The following CRIM1 variants were observed in gnomAD, a reference collection of about 807,000 sequenced individuals.
CRIM1 encodes cysteine-rich motor neuron 1 protein.
In CRIM1, 32 loss-of-function variants were observed where a neutral mutation model predicts 116.4. The ratio of observed to expected loss-of-function variants is 0.27; its 90% CI spans 0.21 to 0.37. The LOEUF is 0.37. CRIM1 is among the 10% of genes least tolerant of loss of function. The pLI, the probability that CRIM1 is intolerant of heterozygous loss-of-function variation, is 1.00. For missense variants in CRIM1, 1,331 were observed against 1,354.8 expected (o/e 0.98, Z 0.28); for synonymous variants, 590 against 509.2 (o/e 1.16, Z -2.13).
intron 5 of CRIM1, among the ~76,000 whole-genome samples, chr2:36,467,422 A>G (rs191368871): frequency 1.2e-4 from 18 of 152,336 alleles, no homozygotes; most frequent in East Asian, 7.7e-4. Flanking sequence ...GTGTCTGTGT[A>G]TGTATATATA....
At chr2:36,531,040 T>G (rs1289510015) in intron 13 of CRIM1, among the ~76,000 whole-genome samples, 1 of 152,210 alleles carries the variant, frequency 6.6e-6, no homozygotes, top group Non-Finnish European at 1.5e-5. Flanking sequence ...GTTATAGTAC[T>G]GTGTTGGCTT....
chr2:36,445,841 G>A (rs966041140), intron 4 of CRIM1, among the ~76,000 whole-genome samples: 1 of 151,992 alleles, frequency 6.6e-6, no homozygotes, highest in African/African-American at 2.4e-5. Flanking sequence ...GAAAAACTAC[G>A]TAACTTTATT....
At chr2:36,443,995 A>T (rs557914692) in intron 4 of CRIM1, among the ~76,000 whole-genome samples, 1 of 152,332 alleles carries the variant, frequency 6.6e-6, no homozygotes, top group Non-Finnish European at 1.5e-5. Flanking sequence ...AAGGGGTGAA[A>T]TATCTTGCAA....
intron 4 of CRIM1, among the ~76,000 whole-genome samples, chr2:36,454,588 C>G (rs1312621136): frequency 6.6e-6 from 1 of 152,218 alleles, no homozygotes; most frequent in Admixed American, 6.5e-5. Flanking sequence ...GGTTGAATCA[C>G]AGTTTGCAGT....
At chr2:36,430,762 A>T (rs3770891) in intron 2 of CRIM1, among the ~76,000 whole-genome samples, 24,033 of 152,116 alleles carry the variant, frequency 0.16, 2,101 homozygotes, top group East Asian at 0.47. Flanking sequence ...GGGTCTGCAG[A>T]AGCACTTTCT....
chr2:36,538,692 G>T (rs2125171314), intron 14 of CRIM1, among the ~76,000 whole-genome samples: 1 of 152,290 alleles, frequency 6.6e-6, no homozygotes, highest in East Asian at 1.9e-4. Flanking sequence ...AGGATGTTCT[G>T]CAAGGTAAGG....
At position 36,476,917 on chromosome 2, in the gene CRIM1, T is replaced by A. The variant is rs1247379397; in HGVS notation, c.1020T>A (p.Asn340Lys). The change falls in exon 6 of 17, where the codon AAT becomes AAA. Residue 340 changes from asparagine (N) to lysine (K), a missense_variant. This residue lies in a region of CRIM1 where 690 missense variants were observed against 676.0 expected (regional missense o/e 1.02). Transcript: ENST00000280527. ...NDTKPACVFN[N>K]VEYYDGDMFR... ...CAAAGCCAGCCTGCGTATTTAACAATGTGGAATATTATGATGGAGACATGT... is the reference window on the plus strand; with the variant it reads ...CAAAGCCAGCCTGCGTATTTAACAAAGTGGAATATTATGATGGAGACATGT... 3 of 1,613,792 alleles carry A rather than the reference T, an allele frequency of 1.9e-6. No homozygotes were observed. Among genetic ancestry groups the A allele is most frequent in the Non-Finnish European group, 2.5e-6 (3 of 1,179,846 alleles).
At chr2:36,386,844 AACC>A (rs1671203503) in intron 1 of CRIM1, among the ~76,000 whole-genome samples, 2 of 152,234 alleles carry the variant, frequency 1.3e-5, no homozygotes, top group South Asian at 4.1e-4. Context: ...AGGAAGTATT[AACC>A]ACTGAGGAGA....
rs115855451 is a variant in CRIM1 at position 36,362,032 on chromosome 2, C to T, written c.331+5409C>T. Among the ~76,000 whole-genome samples, 1,480 of 152,186 alleles carry T rather than the reference C, an allele frequency of 9.7e-3. 17 individuals are homozygous for T. The highest frequency in any genetic ancestry group is 0.034 in the African/African-American group (1,426 of 41,524). On this transcript the variant is annotated intron_variant, in intron 1 of 16. Coordinates refer to ENST00000280527, the MANE Select transcript of CRIM1 (RefSeq NM_016441.3). ...ATTGGTCTTCTATGCTGTACAAGGC[C>T]TTCTGCTGGGGTGAGGGGGAAACTA...
At position 36,460,335 on chromosome 2, in the gene CRIM1, A is replaced by G. The variant is rs1677482538; in HGVS notation, c.870-4199A>G. On this transcript the variant is annotated intron_variant, in intron 4 of 16. Coordinates refer to ENST00000280527, the MANE Select transcript of CRIM1 (RefSeq NM_016441.3). ...TTATATGAACTATCCAGAATTGGCA[A>G]GTCCATAGAGACAGAACATAAATTA... Among the ~76,000 whole-genome samples, 3 of 152,214 alleles carry G rather than the reference A, an allele frequency of 2.0e-5. No homozygotes were observed. The South Asian group carries it at 6.2e-4, about 32-fold the overall frequency.
At chr2:36,536,173 C>G (rs1666540550) in intron 13 of CRIM1, among the ~76,000 whole-genome samples, 6 of 152,186 alleles carry the variant, frequency 3.9e-5, no homozygotes, top group Admixed American at 3.9e-4. Flanking sequence ...TGCAAAGCTT[C>G]GGGCTGCTCA....
intron 2 of CRIM1, among the ~76,000 whole-genome samples, chr2:36,413,906 C>G (rs1673407840): frequency 1.3e-5 from 2 of 152,152 alleles, no homozygotes; most frequent in African/African-American, 2.4e-5. Flanking sequence ...CAAAAGGTCA[C>G]TTTTAAGCTT....
At chr2:36,359,727 A>T (rs1669097718) in intron 1 of CRIM1, among the ~76,000 whole-genome samples, 2 of 152,172 alleles carry the variant, frequency 1.3e-5, no homozygotes, top group Non-Finnish European at 1.5e-5. Flanking sequence ...TTCTAATTGA[A>T]TTATTCCTTT....
intron 5 of CRIM1, among the ~76,000 whole-genome samples, chr2:36,468,441 A>C (rs905578464): frequency 6.6e-6 from 1 of 152,186 alleles, no homozygotes; most frequent in African/African-American, 2.4e-5. Context: ...AGTTCATGAC[A>C]GTTTGTAACT....
At chr2:36,456,685 G>T (rs1343983112) in intron 4 of CRIM1, among the ~76,000 whole-genome samples, 1 of 152,172 alleles carries the variant, frequency 6.6e-6, no homozygotes, top group Admixed American at 6.5e-5. Context: ...GGACTGAGTG[G>T]CCCAGGATTT....
chr2:36,513,857 G>A (rs779655198), intron 11 of CRIM1, 92 bp downstream of exon 11: 12 of 1,143,260 alleles, frequency 1.0e-5, no homozygotes, highest in Non-Finnish European at 1.4e-5. Context: ...GGAGGTTGGA[G>A]GGGACAACCC....
chr2:36,365,413 A>G (rs1669523225), intron 1 of CRIM1, among the ~76,000 whole-genome samples: 1 of 152,194 alleles, frequency 6.6e-6, no homozygotes, highest in African/African-American at 2.4e-5. Flanking sequence ...CCAGGTTGAT[A>G]TATCTCACTG....
At chr2:36,510,223 G>A in intron 9 of CRIM1, 84 bp downstream of exon 9, 1 of 1,351,996 alleles carries the variant, frequency 7.4e-7, no homozygotes, top group Non-Finnish European at 1.0e-6. Context: ...TATGTTGTTT[G>A]TGAATTAATC....
At chr2:36,416,738 A>G (rs535781475) in intron 2 of CRIM1, among the ~76,000 whole-genome samples, 6 of 152,200 alleles carry the variant, frequency 3.9e-5, no homozygotes, top group Non-Finnish European at 8.8e-5. Flanking sequence ...AAACCCTGGC[A>G]CAGTTCCTCC....
Sources: allele counts gnomAD v4.1 joint callset (sites outside exome capture counted in the v4.1 genomes callset), GRCh38; gene constraint gnomAD v4.1.1; regional missense constraint gnomAD v4.1.1; transcripts MANE v1.5; gene names NCBI Gene and HGNC (gene_info 2026-07-23, HGNC 2026-07-21).